The following CDH4 variants were observed in gnomAD, a reference collection of about 807,000 sequenced individuals.
The protein encoded by CDH4 is cadherin-4.
CDH4 carries 33 observed loss-of-function variants against 86.0 expected under a neutral mutation model. The ratio of observed to expected loss-of-function variants is 0.38; its 90% CI spans 0.29 to 0.51. The LOEUF (loss-of-function observed/expected upper bound fraction) is 0.51. Among genes scored for constraint, CDH4 ranks in the 20% least tolerant of loss-of-function variants. CDH4 has a pLI of 0.86. For missense variants in CDH4, 1,114 were observed against 1,307.4 expected, an observed-to-expected ratio of 0.85 and a Z score of 2.28; for synonymous variants, 555 against 549.4, an observed-to-expected ratio of 1.01 and a Z score of -0.14.
chr20:61,770,083 C>T (rs747239004), intron 3 of CDH4, among the ~76,000 whole-genome samples: 6 of 152,064 alleles, frequency 3.9e-5, no homozygotes, highest in African/African-American at 1.2e-4. Flanking sequence ...TGCTGGGTTC[C>T]GGGGAGAATG....
intron 8 of CDH4, among the ~76,000 whole-genome samples, chr20:61,906,249 G>A (rs371389170): frequency 1.6e-4 from 25 of 152,336 alleles, no homozygotes; most frequent in East Asian, 3.9e-4. Flanking sequence ...CTGTTACTGC[G>A]ACTCAATGCC....
intron 2 of CDH4, among the ~76,000 whole-genome samples, chr20:61,311,685 G>A (rs1226366732): frequency 1.3e-5 from 2 of 152,200 alleles, no homozygotes; most frequent in Non-Finnish European, 2.9e-5. Context: ...TGGGTTGGAT[G>A]TATATGCTGC....
At chr20:61,870,857 C>T (rs1005918112) in intron 6 of CDH4, among the ~76,000 whole-genome samples, 1 of 152,192 alleles carries the variant, frequency 6.6e-6, no homozygotes, top group Admixed American at 6.5e-5. Flanking sequence ...GTAACACCGC[C>T]CTGGTCAGAC....
intron 8 of CDH4, among the ~76,000 whole-genome samples, chr20:61,910,170 C>G (rs568637646): frequency 8.8e-5 from 13 of 148,130 alleles, no homozygotes; most frequent in African/African-American, 2.7e-4. Flanking sequence ...GTGAACACTC[C>G]TTGAGCTGGG....
At position 61,829,182 on chromosome 20, in the gene CDH4, C is replaced by T. The variant is rs1393023528; in HGVS notation, c.577-15486C>T. Among the ~76,000 whole-genome samples, 1 of 152,216 alleles carries T rather than the reference C, an allele frequency of 6.6e-6. No individual in the cohort carries two copies. Among genetic ancestry groups the T allele is most frequent in the Non-Finnish European group, 1.5e-5 (1 of 68,036 alleles). ...CGCTTCTCCTTCCCTGGCCTCGCCC[C>T]CAGCAGCCAATAACGTACTTCCTGT... On this transcript the variant is annotated intron_variant, in intron 4 of 15. Transcript: ENST00000614565. This position sits in a 1 kb window ranked among gnomAD's most constrained non-coding sequence, Gnocchi z 4.2.
chr20:61,532,044 C>T (rs781065494), intron 2 of CDH4, among the ~76,000 whole-genome samples: 3 of 152,206 alleles, frequency 2.0e-5, no homozygotes, highest in Non-Finnish European at 2.9e-5. Context: ...CGCCTGTTGC[C>T]GGCCCTCAGG....
At chr20:61,935,118 G>A (rs939573581) in intron 15 of CDH4, among the ~76,000 whole-genome samples, 2 of 152,150 alleles carry the variant, frequency 1.3e-5, no homozygotes, top group Non-Finnish European at 2.9e-5. Context: ...CAGGGATCAC[G>A]GTGTCCTCCG....
intron 6 of CDH4, among the ~76,000 whole-genome samples, chr20:61,869,579 G>A (rs992858404): frequency 6.6e-6 from 1 of 152,206 alleles, no homozygotes; most frequent in Non-Finnish European, 1.5e-5. Context: ...GCCCAGTCAG[G>A]GTCCCAAAGG....
At chr20:61,639,418 T>C (rs2086981876) in intron 2 of CDH4, among the ~76,000 whole-genome samples, 1 of 152,206 alleles carries the variant, frequency 6.6e-6, no homozygotes, top group African/African-American at 2.4e-5. Context: ...ATTTCTTGCT[T>C]TGATTGTGTA....
At chr20:61,280,652 T>C (rs1464393874) in intron 2 of CDH4, among the ~76,000 whole-genome samples, 1 of 152,196 alleles carries the variant, frequency 6.6e-6, no homozygotes, top group African/African-American at 2.4e-5. Flanking sequence ...CACGGACTTA[T>C]GGGAAATAAT....
At chr20:61,568,386 G>A (rs1267990437) in intron 2 of CDH4, among the ~76,000 whole-genome samples, 2 of 152,190 alleles carry the variant, frequency 1.3e-5, no homozygotes, top group Non-Finnish European at 2.9e-5. Flanking sequence ...CTGCCGCCAT[G>A]TGAAGAAGGA....
At chr20:61,741,516 G>C (rs1031943729) in intron 2 of CDH4, among the ~76,000 whole-genome samples, 1 of 149,164 alleles carries the variant, frequency 6.7e-6, no homozygotes, top group Non-Finnish European at 1.5e-5. Context: ...TTTTGAGACC[G>C]AGTCTCGCTC....
intron 2 of CDH4, among the ~76,000 whole-genome samples, chr20:61,460,133 G>A (rs182443731): frequency 6.6e-6 from 1 of 152,292 alleles, no homozygotes; most frequent in African/African-American, 2.4e-5. Flanking sequence ...TGTGCAAGGT[G>A]TAAAACTCAA....
chr20:61,895,211 C>T (rs946131361), intron 8 of CDH4, among the ~76,000 whole-genome samples, 164 bp downstream of exon 8: 3 of 152,216 alleles, frequency 2.0e-5, no homozygotes, highest in Non-Finnish European at 4.4e-5. Context: ...TGGAGTGGCT[C>T]GATTCCTGAT....
chr20:61,556,553 A>C (rs1399826140), intron 2 of CDH4, among the ~76,000 whole-genome samples: 2 of 152,220 alleles, frequency 1.3e-5, no homozygotes, highest in African/African-American at 2.4e-5. Context: ...AATTGAGAAC[A>C]AATGGAACAA....
chr20:61,476,108 C>T (rs1016281807), intron 2 of CDH4, among the ~76,000 whole-genome samples: 1 of 152,228 alleles, frequency 6.6e-6, no homozygotes. Flanking sequence ...AATGAGGACA[C>T]GCGGTGGTTC....
In CDH4 at chr20:61,618,159, G is replaced by A. The variant is rs915997281; in HGVS notation, c.170-125404G>A. On this transcript the variant is annotated intron_variant, in intron 2 of 15. Coordinates refer to ENST00000614565, the MANE Select transcript of CDH4 (RefSeq NM_001794.5). ...GTGAGAACAGACTAATACAGGGCCG[G>A]TGCTGGCCTCGGCTGGGTGGCTGAA... Among the ~76,000 whole-genome samples, 33 of 152,148 alleles carry A rather than the reference G, an allele frequency of 2.2e-4. 1 individual carries two copies. The highest frequency in any genetic ancestry group is 6.8e-4 in the African/African-American group (28 of 41,442).
At chr20:61,694,407 G>T (rs575188576) in intron 2 of CDH4, among the ~76,000 whole-genome samples, 1 of 152,120 alleles carries the variant, frequency 6.6e-6, no homozygotes, top group African/African-American at 2.4e-5. Flanking sequence ...AAATCACTTC[G>T]CAGGGTGGTC....
rs2086093298 is a variant in CDH4 at position 61,547,173 on chromosome 20, C to T, written c.170-196390C>T. On this transcript the variant is annotated intron_variant, in intron 2 of 15. Transcript: ENST00000614565. ...GCAAGTAGCTTTTACTGGATTCAGT[C>T]TCTCACATACTCAGCCCCAGAGCTC... Among the ~76,000 whole-genome samples the T allele has an allele frequency of 2.1e-5, 3 of 144,392 alleles. No homozygotes were observed. In the South Asian group the frequency reaches 7.0e-4, roughly 33 times the overall value. The allele number at this position is 144,392 out of a possible 152,430, so 94.7% of individuals were successfully genotyped here.
Sources: allele counts gnomAD v4.1 joint callset (sites outside exome capture counted in the v4.1 genomes callset), GRCh38; gene constraint gnomAD v4.1.1; non-coding constraint Gnocchi (gnomAD v3.1); transcripts MANE v1.5; gene names NCBI Gene and HGNC (gene_info 2026-07-23, HGNC 2026-07-21).